The following IQGAP1 variants were observed in gnomAD, a reference collection of about 807,000 sequenced individuals.
IQGAP1 encodes IQ motif containing GTPase activating protein 1, also known as ras GTPase-activating-like protein IQGAP1.
IQGAP1 carries 66 observed loss-of-function variants against 215.6 expected under a neutral mutation model. That is an observed-to-expected ratio of 0.31 (90% CI 0.25 to 0.38). The LOEUF is 0.38. IQGAP1 is among the 10% of genes least tolerant of loss of function. IQGAP1 has a pLI of 1.00. For synonymous variants in IQGAP1, 772 were observed against 728.7 expected (o/e 1.06, Z -0.96); for missense variants, 1,712 against 1,997.1 (o/e 0.86, Z 2.72).
chr15:90,473,077 G>A, intron 19 of IQGAP1, 67 bp downstream of exon 19: 1 of 1,448,390 alleles, frequency 6.9e-7, no homozygotes, highest in Non-Finnish European at 9.6e-7. Flanking sequence ...ACGGTCAGCT[G>A]TCACCATTGA....
At chr15:90,489,946 TTA>T (rs1966180469) in intron 33 of IQGAP1, among the ~76,000 whole-genome samples, 1 of 152,192 alleles carries the variant, frequency 6.6e-6, no homozygotes, top group African/African-American at 2.4e-5. Flanking sequence ...CCCTTACAGG[TTA>T]ACTGGCTAAG....
rs1966002086 is a variant in IQGAP1 at position 90,477,820 on chromosome 15, T to C, written c.3260T>C (p.Ile1087Thr). 2 of 1,614,014 alleles carry C rather than the reference T, an allele frequency of 1.2e-6. No homozygotes were observed. Among genetic ancestry groups the C allele is most frequent in the African/African-American group, 2.7e-5 (2 of 75,004 alleles). Residue 1087 changes from isoleucine to threonine, a missense_variant, in exon 26 of 38, where the codon ATC becomes ACC. This residue lies in a region of IQGAP1 where 691 missense variants were observed against 923.0 expected (regional missense o/e 0.75). Coordinates refer to ENST00000268182, the MANE Select transcript of IQGAP1 (RefSeq NM_003870.4). Reference sequence around the variant, plus strand: ...ATTATGGATGACAAATCTCTCAACATCAAAACTGACCCTGTGGATATTTAC... The same window carrying C: ...ATTATGGATGACAAATCTCTCAACACCAAAACTGACCCTGTGGATATTTAC... ...KEIMDDKSLNIKTDPVDIYKS... is the reference protein window; with the variant it reads ...KEIMDDKSLNTKTDPVDIYKS...
rs755904425 is a variant in IQGAP1 at position 90,473,881 on chromosome 15, A to G, written c.2434-15A>G. 4.3e-6 allele frequency: 7 copies of G among 1,613,494 alleles called. No individual in the cohort carries two copies. In the Admixed American group the frequency reaches 5.0e-5, roughly 12 times the overall value. Reference sequence around the variant, plus strand: ...ATGAAGGACTCTTCTAATTTCCAGGATCCCTTTTCCACAGATTCAGTCCCT... The same window carrying G: ...ATGAAGGACTCTTCTAATTTCCAGGGTCCCTTTTCCACAGATTCAGTCCCT... On this transcript the variant is annotated splice_polypyrimidine_tract_variant and intron_variant, in intron 20 of 37. Transcript: ENST00000268182.
intron 33 of IQGAP1, among the ~76,000 whole-genome samples, chr15:90,488,865 G>A (rs1004706757): frequency 7.9e-5 from 12 of 152,170 alleles, no homozygotes; most frequent in African/African-American, 1.9e-4. Context: ...GTGGAGGTGA[G>A]TAGTGAGAAA....
chr15:90,437,879 G>A (rs1432785782), intron 5 of IQGAP1, among the ~76,000 whole-genome samples: 1 of 152,158 alleles, frequency 6.6e-6, no homozygotes, highest in Non-Finnish European at 1.5e-5. Context: ...TCTGAGACAG[G>A]CGCTTTATAT....
intron 7 of IQGAP1, among the ~76,000 whole-genome samples, chr15:90,440,922 A>G (rs1327943486): frequency 6.6e-6 from 1 of 152,174 alleles, no homozygotes; most frequent in Non-Finnish European, 1.5e-5. Flanking sequence ...CAGCCTGGCC[A>G]TGGTGAAACC....
chr15:90,395,411 C>T (rs1210672235), intron 2 of IQGAP1, among the ~76,000 whole-genome samples: 3 of 152,088 alleles, frequency 2.0e-5, no homozygotes, highest in South Asian at 2.1e-4. Context: ...AGCTCCGCCT[C>T]CCAGGTTAAC....
chr15:90,399,804 T>G (rs903499737), intron 2 of IQGAP1, among the ~76,000 whole-genome samples: 3 of 152,188 alleles, frequency 2.0e-5, no homozygotes, highest in Admixed American at 2.0e-4. Context: ...TCTAATATCC[T>G]TTAAAAACCA....
At chr15:90,451,037 G>T (rs1965597328) in intron 11 of IQGAP1, among the ~76,000 whole-genome samples, 1 of 152,008 alleles carries the variant, frequency 6.6e-6, no homozygotes, top group African/African-American at 2.4e-5. Flanking sequence ...AAATGGCTTT[G>T]CTTAGACCAG....
intron 3 of IQGAP1, 120 bp downstream of exon 3, chr15:90,426,386 G>T: frequency 1.8e-6 from 2 of 1,085,196 alleles, no homozygotes; most frequent in Non-Finnish European, 2.6e-6. Context: ...ACAAATTATA[G>T]CCTTTAAAAT....
chr15:90,402,224 T>A (rs537484467), intron 2 of IQGAP1, among the ~76,000 whole-genome samples: 1 of 152,338 alleles, frequency 6.6e-6, no homozygotes, highest in East Asian at 1.9e-4. Flanking sequence ...CCTAATTGCT[T>A]CCCTTCTTCA....
At chr15:90,454,865 C>T (rs565408112) in intron 14 of IQGAP1, among the ~76,000 whole-genome samples, 1 of 152,288 alleles carries the variant, frequency 6.6e-6, no homozygotes, top group African/African-American at 2.4e-5. Flanking sequence ...TAGGCATGGT[C>T]CTCCACAAGA....
intron 5 of IQGAP1, among the ~76,000 whole-genome samples, chr15:90,437,255 A>T (rs1040861922): frequency 6.6e-6 from 1 of 152,210 alleles, no homozygotes; most frequent in Admixed American, 6.5e-5. Flanking sequence ...CAAGGGGGAA[A>T]CCTGCCCCCA....
chr15:90,438,884 C>A (rs1313535172), intron 5 of IQGAP1, among the ~76,000 whole-genome samples: 2 of 152,032 alleles, frequency 1.3e-5, no homozygotes, highest in Admixed American at 6.6e-5. Context: ...GCCACCACGC[C>A]TGGCTAATTT....
chr15:90,476,437 A>G (rs944522153), intron 23 of IQGAP1, among the ~76,000 whole-genome samples: 6 of 152,222 alleles, frequency 3.9e-5, no homozygotes, highest in Non-Finnish European at 7.3e-5. Context: ...TGGTTTGCCA[A>G]TTCAGTGGAC....
chr15:90,434,924 G>A (rs1323140127), intron 5 of IQGAP1, among the ~76,000 whole-genome samples: 1 of 152,162 alleles, frequency 6.6e-6, no homozygotes, highest in Admixed American at 6.5e-5. Flanking sequence ...GAAGAAGATG[G>A]CAGAGCAAGT....
At chr15:90,481,450 G>T (rs1966058299) in intron 26 of IQGAP1, among the ~76,000 whole-genome samples, 1 of 151,838 alleles carries the variant, frequency 6.6e-6, no homozygotes, top group Non-Finnish European at 1.5e-5. Context: ...CATATACGGG[G>T]TCTGTCATGG....
intron 19 of IQGAP1, 74 bp from the exon 20 acceptor site, chr15:90,473,641 A>C: frequency 9.3e-7 from 1 of 1,074,366 alleles, no homozygotes; most frequent in Non-Finnish European, 1.4e-6. Flanking sequence ...TCATGTATCA[A>C]GATGAAAGTT....
chr15:90,495,618 A>G (rs960833564), intron 36 of IQGAP1, among the ~76,000 whole-genome samples: 4 of 149,036 alleles, frequency 2.7e-5, no homozygotes, highest in Admixed American at 6.7e-5. Context: ...ATACATATAT[A>G]TATATTTTTT....
Sources: gnomAD v4.1 joint callset for allele counts (sites outside exome capture counted in the v4.1 genomes callset) on GRCh38, gnomAD v4.1.1 for gene constraint, gnomAD v4.1.1 regional missense constraint, MANE v1.5 for transcripts, NCBI Gene and HGNC (gene_info 2026-07-23, HGNC 2026-07-21) for gene names.